Variants in ULK4 observed in about 807,000 individuals in gnomAD.
ULK4 encodes unc-51 like kinase 4.
A neutral mutation model predicts 160.6 loss-of-function variants in ULK4; 133 were observed. The observed-to-expected ratio is 0.83, with a 90% CI of 0.72 to 0.96. ULK4 has a LOEUF of 0.96. Ranked by LOEUF, ULK4 falls within the 40% of genes least tolerant of loss-of-function variation. ULK4 has a pLI of 0.00. For missense variants in ULK4, 1,580 were observed against 1,499.5 expected, an observed-to-expected ratio of 1.05 and a Z score of -0.89; for synonymous variants, 534 against 539.8, an observed-to-expected ratio of 0.99 and a Z score of 0.15.
intron 33 of ULK4, among the ~76,000 whole-genome samples, chr3:41,460,193 C>G (rs1047717708): frequency 6.6e-6 from 1 of 152,166 alleles, no homozygotes; most frequent in Non-Finnish European, 1.5e-5. Context: ...ACTGACACAT[C>G]TGCAAATCAA....
chr3:41,656,008 C>T (rs908386617), intron 30 of ULK4, among the ~76,000 whole-genome samples: 1 of 152,134 alleles, frequency 6.6e-6, no homozygotes, highest in Non-Finnish European at 1.5e-5. Flanking sequence ...CAACCGCTTT[C>T]CAAAGTCAAT....
At chr3:41,659,703 T>TA (rs2035076097) in intron 30 of ULK4, among the ~76,000 whole-genome samples, 1 of 152,114 alleles carries the variant, frequency 6.6e-6, no homozygotes, top group East Asian at 1.9e-4. Context: ...GTATTTCTCC[T>TA]TTGATACATC....
chr3:41,268,863 G>A (rs1456568597), intron 35 of ULK4, among the ~76,000 whole-genome samples: 1 of 139,786 alleles, frequency 7.2e-6, no homozygotes, highest in African/African-American at 2.7e-5. Context: ...TTCCCAGAAA[G>A]TAAAGACGCA....
chr3:41,721,247 CGCTTT>C lies in ULK4; in HGVS notation c.2322-3391_2322-3387del, dbSNP rs1450792600. 8.1e-3 allele frequency among the ~76,000 whole-genome samples: 343 copies of C among 42,566 alleles called. 3 individuals are homozygous for C. Among genetic ancestry groups the C allele is most frequent in the Non-Finnish European group, 8.5e-3 (201 of 23,544 alleles). The allele number at this position is 42,566 out of a possible 152,430, so 27.9% of individuals were successfully genotyped here. ...TAATGGAAGCAGATGAGAAATTTTTCGCTTTGAATTTTTTTTTTTTTTTTTTTTTT... is the reference window on the plus strand; with the variant it reads ...TAATGGAAGCAGATGAGAAATTTTTCGAATTTTTTTTTTTTTTTTTTTTTT... On this transcript the variant is annotated intron_variant, in intron 22 of 36. Transcript: ENST00000301831.
chr3:41,304,242 C>T (rs1806919), intron 35 of ULK4, among the ~76,000 whole-genome samples: 22,024 of 135,980 alleles, frequency 0.16, 2,010 homozygotes, highest in African/African-American at 0.3. Context: ...CATTGCACTC[C>T]AGCCTGGACA....
At chr3:41,693,805 A>G (rs576398211) in intron 27 of ULK4, among the ~76,000 whole-genome samples, 1 of 152,318 alleles carries the variant, frequency 6.6e-6, no homozygotes, top group South Asian at 2.1e-4. Flanking sequence ...TGCTCTACAT[A>G]TTTTAAAAAT....
chr3:41,768,500 GC>G (rs2039244177), intron 21 of ULK4, among the ~76,000 whole-genome samples: 1 of 152,092 alleles, frequency 6.6e-6, no homozygotes. Flanking sequence ...TTGGAACTCT[GC>G]CACCATGCTG....
chr3:41,727,354 G>A (rs752768653), intron 22 of ULK4, among the ~76,000 whole-genome samples: 1 of 152,216 alleles, frequency 6.6e-6, no homozygotes, highest in Admixed American at 6.5e-5. Flanking sequence ...CCTATGGAGT[G>A]TATATTCAAG....
chr3:41,747,729 CCAT>C (rs1185757401), intron 22 of ULK4, among the ~76,000 whole-genome samples: 2 of 152,068 alleles, frequency 1.3e-5, no homozygotes, highest in Non-Finnish European at 2.9e-5. Context: ...GGAAAAGACA[CCAT>C]GAGTGCACAC....
At position 41,391,491 on chromosome 3, in the gene ULK4, C is replaced by A. The variant is rs1292596055; in HGVS notation, c.3678+6588G>T. ...CAGGAGGGAGAGAGGTATAATTTTACCTTTTTATTATACCTCAAGGAATAT... is the reference window on the plus strand; with the variant it reads ...CAGGAGGGAGAGAGGTATAATTTTAACTTTTTATTATACCTCAAGGAATAT... On this transcript the variant is annotated intron_variant, in intron 35 of 36. Coordinates refer to ENST00000301831, the MANE Select transcript of ULK4 (RefSeq NM_017886.4). 2.0e-5 allele frequency among the ~76,000 whole-genome samples: 3 copies of A among 151,738 alleles called. No individual in the cohort carries two copies. The South Asian group carries it at 6.3e-4, about 32-fold the overall frequency.
At chr3:41,874,652 A>G (rs1292693154) in intron 17 of ULK4, among the ~76,000 whole-genome samples, 1 of 152,222 alleles carries the variant, frequency 6.6e-6, no homozygotes, top group Non-Finnish European at 1.5e-5. Context: ...GCGGGAGCTA[A>G]GCTATGAGTA....
At chr3:41,442,051 T>C (rs1385869972) in intron 34 of ULK4, among the ~76,000 whole-genome samples, 1 of 152,190 alleles carries the variant, frequency 6.6e-6, no homozygotes, top group East Asian at 1.9e-4. Context: ...AACCTACATG[T>C]GTCTTTATAG....
chr3:41,461,131 C>G (rs969537850), intron 33 of ULK4, among the ~76,000 whole-genome samples: 2 of 152,138 alleles, frequency 1.3e-5, no homozygotes, highest in Admixed American at 1.3e-4. Flanking sequence ...GATTCTGACA[C>G]GTGCCTGCCT....
rs777671148 is a variant in ULK4 at position 41,463,229 on chromosome 3, A to C, written c.3251T>G (p.Leu1084Arg). Residue 1084 changes from leucine (L) to arginine (R), a missense_variant, in exon 33 of 37, where the codon CTG (leucine) becomes CGG (arginine). Coordinates refer to ENST00000301831, the MANE Select transcript of ULK4 (RefSeq NM_017886.4). Reference protein sequence around the residue: ...EQGLVSHICNLLTETATLCLD... With the variant: ...EQGLVSHICNRLTETATLCLD... ...GCACAGTGTGGCAGTTTCAGTGAGC[A>C]GGTTACAGATGTGACTGACAAGTCC... 4 of 1,613,642 alleles carry C rather than the reference A, an allele frequency of 2.5e-6. No homozygotes were observed. The South Asian group carries it at 4.4e-5, about 18-fold the overall frequency.
intron 29 of ULK4, among the ~76,000 whole-genome samples, chr3:41,668,067 G>C (rs1343676309): frequency 6.6e-6 from 1 of 152,228 alleles, no homozygotes; most frequent in Admixed American, 6.5e-5. Context: ...AATTGGTCAA[G>C]TGAAGGAAAG....
At chr3:41,418,543 T>C (rs2082587285) in intron 34 of ULK4, among the ~76,000 whole-genome samples, 1 of 152,216 alleles carries the variant, frequency 6.6e-6, no homozygotes, top group Non-Finnish European at 1.5e-5. Context: ...TAACTACTTT[T>C]TCTGGTCTTC....
intron 34 of ULK4, among the ~76,000 whole-genome samples, chr3:41,441,354 C>T (rs2083163831): frequency 6.6e-6 from 1 of 152,034 alleles, no homozygotes; most frequent in Admixed American, 6.6e-5. Context: ...AGTGCTTTCA[C>T]TTTCATTCAG....
chr3:41,937,921 T>C (rs1699831365), intron 3 of ULK4, 177 bp downstream of exon 3: 1 of 416,862 alleles, frequency 2.4e-6, no homozygotes. Flanking sequence ...CAACCCGGAA[T>C]TGAATTTACA....
At chr3:41,738,351 A>C (rs2038126236) in intron 22 of ULK4, among the ~76,000 whole-genome samples, 1 of 151,668 alleles carries the variant, frequency 6.6e-6, no homozygotes, top group Non-Finnish European at 1.5e-5. Context: ...TCTCCGTTTC[A>C]ATTTAGAAGA....
Sources: gnomAD v4.1 joint callset for allele counts (sites outside exome capture counted in the v4.1 genomes callset) on GRCh38, gnomAD v4.1.1 for gene constraint, MANE v1.5 for transcripts, NCBI Gene and HGNC (gene_info 2026-07-23, HGNC 2026-07-21) for gene names.